The following HERC2 variants were observed in gnomAD, a reference collection of about 807,000 sequenced individuals.
The protein encoded by HERC2 is E3 ubiquitin-protein ligase HERC2.
In HERC2, 102 loss-of-function variants were observed where a neutral mutation model predicts 537.7. The ratio of observed to expected loss-of-function variants is 0.19; its 90% CI spans 0.16 to 0.22. The LOEUF is 0.22. Among genes scored for constraint, HERC2 ranks in the 10% least tolerant of loss-of-function variants. The pLI is 1.00. For missense variants in HERC2, 4,236 were observed against 6,198.2 expected, an observed-to-expected ratio of 0.68 and a Z score of 10.63; for synonymous variants, 2,224 against 2,466.2, an observed-to-expected ratio of 0.90 and a Z score of 2.91.
At chr15:28,244,094 G>A (rs1903417711) in intron 23 of HERC2, among the ~76,000 whole-genome samples, 1 of 152,074 alleles carries the variant, frequency 6.6e-6, no homozygotes, top group South Asian at 2.1e-4. Context: ...AGCCGGGGAG[G>A]TCAAGGCTAC....
At chr15:28,188,981 G>A (rs1198276786) in intron 55 of HERC2, among the ~76,000 whole-genome samples, 6 of 152,068 alleles carry the variant, frequency 3.9e-5, no homozygotes, top group East Asian at 1.9e-4. Context: ...CCAGCTACTC[G>A]GAAGGCTGCG....
At chr15:28,134,967 C>T (rs891773941) in intron 79 of HERC2, among the ~76,000 whole-genome samples, 3 of 152,108 alleles carry the variant, frequency 2.0e-5, no homozygotes, top group East Asian at 3.9e-4. Context: ...GCCACCACGC[C>T]GGACCTGTTT....
Position 28,177,650 on chromosome 15 carries a change from C to G in HERC2, c.9164-141G>C, listed in dbSNP as rs186709682. The G allele has an allele frequency of 1.4e-6, 1 of 691,618 alleles. No individual in the cohort carries two copies. The highest frequency in any genetic ancestry group is 1.8e-5 in the African/African-American group (1 of 55,998). The allele number at this position is 691,618 out of a possible 1,614,324, so 42.8% of individuals were successfully genotyped here. On this transcript the variant is annotated intron_variant, in intron 59 of 92. Coordinates refer to ENST00000261609, the MANE Select transcript of HERC2 (RefSeq NM_004667.6). The surrounding 1 kb of genome is among the most constrained non-coding windows in gnomAD (Gnocchi z 5.0). ...TAAATGAGTAACTCAACAGGATCAA[C>G]AGCGGAGTTAGCAGGAAAGCTTCCT...
chr15:28,113,547 G>A lies in HERC2; in HGVS notation c.14019+26C>T, dbSNP rs1887886356. 3 of 1,593,392 alleles carry A rather than the reference G, an allele frequency of 1.9e-6. No homozygotes were observed. Among genetic ancestry groups the A allele is most frequent in the East Asian group, 4.5e-5 (2 of 44,766 alleles). On this transcript the variant is annotated intron_variant, in intron 91 of 92. Transcript: ENST00000261609. The surrounding 1 kb of genome is among the most constrained non-coding windows in gnomAD (Gnocchi z 7.0). Reference sequence around the variant, plus strand: ...TCAGCAGGCAAAAGGCAGCTGCAGGGCAGCCCCACCTGGGGGTCGGCATAC... The same window carrying A: ...TCAGCAGGCAAAAGGCAGCTGCAGGACAGCCCCACCTGGGGGTCGGCATAC...
chr15:28,301,698 T>A (rs556582966), intron 2 of HERC2, among the ~76,000 whole-genome samples: 38 of 138,780 alleles, frequency 2.7e-4, no homozygotes, highest in African/African-American at 9.6e-4. Context: ...TTTTTTTTTT[T>A]TAAACTTCTG....
At chr15:28,150,722 A>C (rs546000752) in intron 70 of HERC2, among the ~76,000 whole-genome samples, 1 of 150,626 alleles carries the variant, frequency 6.6e-6, no homozygotes, top group East Asian at 2.0e-4. Context: ...CGCGGCTTCT[A>C]ACTAACCGAG....
intron 8 of HERC2, 83 bp from the exon 9 acceptor site, chr15:28,272,469 TG>T (rs2075762012): frequency 8.2e-7 from 1 of 1,226,094 alleles, no homozygotes; most frequent in Non-Finnish European, 1.1e-6. Flanking sequence ...AGCAAATAGC[TG>T]GATAGAAGTG....
At chr15:28,213,682 C>T (rs939441185) in intron 42 of HERC2, 60 bp downstream of exon 42, 3 of 1,610,872 alleles carry the variant, frequency 1.9e-6, no homozygotes, top group South Asian at 1.1e-5. Flanking sequence ...TGCTGGTGCT[C>T]GGTTCTAGTG....
chr15:28,206,912 G>A lies in HERC2; in HGVS notation c.7070-530C>T, dbSNP rs558758595. ...TGTAATCCCAGCTACTCGCAAGGCTGAGGCAGGAGAATTGCTTGAACCAGG... is the reference window on the plus strand; with the variant it reads ...TGTAATCCCAGCTACTCGCAAGGCTAAGGCAGGAGAATTGCTTGAACCAGG... On this transcript the variant is annotated intron_variant, in intron 44 of 92. Transcript: ENST00000261609. Among the ~76,000 whole-genome samples the A allele has an allele frequency of 9.3e-4, 139 of 150,130 alleles. 2 individuals carry two copies. In the South Asian group the frequency reaches 0.012, roughly 13 times the overall value.
chr15:28,202,005 T>A, intron 47 of HERC2, 108 bp downstream of exon 47: 1 of 1,178,850 alleles, frequency 8.5e-7, no homozygotes, highest in Admixed American at 2.0e-5. Flanking sequence ...CAGTCCACAG[T>A]AGATATAGTT....
Position 28,132,154 on chromosome 15 carries a change from C to T in HERC2, c.12516G>A (p.Gly4172=), listed in dbSNP as rs1481225462. 1.2e-6 allele frequency: 2 copies of T among 1,613,412 alleles called. No homozygotes were observed. The highest frequency in any genetic ancestry group is 1.1e-5 in the South Asian group (1 of 91,000). The change falls in exon 81 of 93, where the codon GGG becomes GGA. Residue 4172 remains glycine, a synonymous_variant. Coordinates refer to ENST00000261609, the MANE Select transcript of HERC2 (RefSeq NM_004667.6). ...CTCCCCGGCCGAGCTTGCCGTAGTC[C>T]CCGTCCCCCCAGGACCAGACAGTGT... ...DDDTVWSWGD[G]DYGKLGRGGS... is the part of the protein sequence containing the mutation.
At chr15:28,318,734 C>A (rs537256197) in intron 2 of HERC2, among the ~76,000 whole-genome samples, 2 of 152,146 alleles carry the variant, frequency 1.3e-5, no homozygotes, top group South Asian at 4.2e-4. Context: ...GGGCCCTAGG[C>A]CTGACGTATC....
At chr15:28,317,232 A>C (rs2077112308) in intron 2 of HERC2, among the ~76,000 whole-genome samples, 1 of 152,118 alleles carries the variant, frequency 6.6e-6, no homozygotes, top group Admixed American at 6.6e-5. Flanking sequence ...CTGGGATTAC[A>C]AGCGCACACT....
chr15:28,175,690 C>A lies in HERC2; in HGVS notation c.9687-34G>T, dbSNP rs550715653. On this transcript the variant is annotated intron_variant, in intron 63 of 92. Coordinates refer to ENST00000261609, the MANE Select transcript of HERC2 (RefSeq NM_004667.6). ...AGGCCCATGGTGGAGAGTTACAATACGGTTATGGTCTGACAATGCTATACA... is the reference window on the plus strand; with the variant it reads ...AGGCCCATGGTGGAGAGTTACAATAAGGTTATGGTCTGACAATGCTATACA... The A allele has an allele frequency of 6.9e-4, 1,115 of 1,610,202 alleles. 25 individuals carry two copies. In the South Asian group the frequency reaches 0.011, roughly 16 times the overall value.
chr15:28,280,061 T>C lies in HERC2; in HGVS notation c.542+7A>G, dbSNP rs764675331. ...GCATCAGGATTCTTTCTTCGCTTTATTGTTACCTTTTTTTGTCCACAGGAG... is the reference window on the plus strand; with the variant it reads ...GCATCAGGATTCTTTCTTCGCTTTACTGTTACCTTTTTTTGTCCACAGGAG... On this transcript the variant is annotated splice_region_variant and intron_variant, in intron 5 of 92. Transcript: ENST00000261609. 7 of 1,604,932 alleles carry C rather than the reference T, an allele frequency of 4.4e-6. No homozygotes were observed. In the Admixed American group the frequency reaches 6.8e-5, roughly 15 times the overall value.
chr15:28,321,162 CTAAT>C (rs2077218285), intron 2 of HERC2, among the ~76,000 whole-genome samples, 196 bp downstream of exon 2: 1 of 152,106 alleles, frequency 6.6e-6, no homozygotes. Context: ...TTGCAAGAAA[CTAAT>C]TAAAAGGCAG....
At chr15:28,142,015 AT>A (rs1891275349) in intron 76 of HERC2, among the ~76,000 whole-genome samples, 169 bp from the exon 77 acceptor site, 1 of 152,216 alleles carries the variant, frequency 6.6e-6, no homozygotes, top group South Asian at 2.1e-4. Flanking sequence ...AGTCTAACAT[AT>A]TAGAAATGTC....
At chr15:28,198,873 C>T in intron 48 of HERC2, 104 bp from the exon 49 acceptor site, 1 of 1,097,986 alleles carries the variant, frequency 9.1e-7, no homozygotes, top group Non-Finnish European at 1.3e-6. Flanking sequence ...TCTGACTGGG[C>T]ATGGTGGCTC....
At chr15:28,201,627 G>T (rs1277891118) in intron 47 of HERC2, 73 bp from the exon 48 acceptor site, 1 of 937,698 alleles carries the variant, frequency 1.1e-6, no homozygotes, top group Non-Finnish European at 1.7e-6. Context: ...AAATAAGTCT[G>T]TGAAATCTAT....
Sources: gnomAD v4.1 joint callset for allele counts (sites outside exome capture counted in the v4.1 genomes callset) on GRCh38, gnomAD v4.1.1 for gene constraint, Gnocchi (gnomAD v3.1) non-coding constraint, MANE v1.5 for transcripts, NCBI Gene and HGNC (gene_info 2026-07-23, HGNC 2026-07-21) for gene names.